The following KNDC1 variants were observed in gnomAD, a reference collection of about 807,000 sequenced individuals.
The protein encoded by KNDC1 is kinase non-catalytic C-lobe domain-containing protein 1.
Under a neutral mutation model 172.8 loss-of-function variants are expected in KNDC1, and 106 were observed. The observed-to-expected ratio is 0.61, with a 90% CI of 0.52 to 0.72. The LOEUF is 0.72. KNDC1 is among the 30% of genes least tolerant of loss of function. The pLI is 0.00. For synonymous variants in KNDC1, 1,083 were observed against 1,062.2 expected, an observed-to-expected ratio of 1.02 and a Z score of -0.38; for missense variants, 2,325 against 2,394.5, an observed-to-expected ratio of 0.97 and a Z score of 0.61.
chr10:133,204,823 C>T (rs1419029996), intron 17 of KNDC1, among the ~76,000 whole-genome samples: 1 of 152,118 alleles, frequency 6.6e-6, no homozygotes, highest in Non-Finnish European at 1.5e-5. Context: ...TCGGGGCGGT[C>T]GCTTCGGGCC....
chr10:133,161,807 G>C (rs1332158051), intron 1 of KNDC1, among the ~76,000 whole-genome samples: 2 of 152,206 alleles, frequency 1.3e-5, no homozygotes, highest in Non-Finnish European at 2.9e-5. Flanking sequence ...TTAGGAGGCG[G>C]CCCTGAGGAC....
intron 5 of KNDC1, among the ~76,000 whole-genome samples, chr10:133,185,232 T>C (rs1443745107): frequency 6.9e-6 from 1 of 145,770 alleles, no homozygotes; most frequent in Non-Finnish European, 1.5e-5. Flanking sequence ...GTGTGTGCAG[T>C]GTGGAATAGG....
chr10:133,160,650 G>C (rs984975027), intron 1 of KNDC1, 81 bp downstream of exon 1: 2 of 921,132 alleles, frequency 2.2e-6, no homozygotes, highest in African/African-American at 1.8e-5. Flanking sequence ...ACCCGGGAGG[G>C]GCTGTGAGCT....
rs760780516 is a variant in KNDC1 at position 133,209,156 on chromosome 10, C to A, written c.3795-1455C>A. On this transcript the variant is annotated intron_variant, in intron 20 of 29. Transcript: ENST00000304613. This position sits in a 1 kb window ranked among gnomAD's most constrained non-coding sequence, Gnocchi z 4.9. ...GTGTGTGGTGTGTGGTTGGGTATTG[C>A]GTGGCAGGTGTGCATGTGTGTATGG... 6.8e-6 allele frequency among the ~76,000 whole-genome samples: 1 copy of A among 146,764 alleles called. No individual in the cohort carries two copies. The highest frequency in any genetic ancestry group is 1.5e-5 in the Non-Finnish European group (1 of 66,782).
rs775325990 is a variant in KNDC1, at chr10:133,209,031, C to T, written c.3795-1580C>T. Among the ~76,000 whole-genome samples, 2 of 144,006 alleles carry T rather than the reference C, an allele frequency of 1.4e-5. No homozygotes were observed. The highest frequency in any genetic ancestry group is 2.2e-4 in the South Asian group (1 of 4,494). The allele number at this position is 144,006 out of a possible 152,430, so 94.5% of individuals were successfully genotyped here. A position where few individuals can be genotyped will look rare whatever the true frequency, so the allele number is the denominator to read the frequency against. Reference sequence around the variant, plus strand: ...GGGATATCGTGTGGTGTAGTAGGTACGTGTGCGGTTGTGAGGTATAGTGTG... The same window carrying T: ...GGGATATCGTGTGGTGTAGTAGGTATGTGTGCGGTTGTGAGGTATAGTGTG... On this transcript the variant is annotated intron_variant, in intron 20 of 29. Transcript: ENST00000304613. The surrounding 1 kb of genome is among the most constrained non-coding windows in gnomAD (Gnocchi z 4.9).
intron 21 of KNDC1, 23 bp downstream of exon 21, chr10:133,210,747 G>A (rs768495083): frequency 2.2e-5 from 34 of 1,558,522 alleles, no homozygotes; most frequent in African/African-American, 1.5e-4. Flanking sequence ...ACAGCTCCAC[G>A]CCCGCCAGAG....
chr10:133,221,591 C>T (rs1332766163), intron 29 of KNDC1, among the ~76,000 whole-genome samples: 1 of 152,236 alleles, frequency 6.6e-6, no homozygotes, highest in East Asian at 1.9e-4. Context: ...GGCGGCTCCA[C>T]CCTCCCCCAC....
intron 20 of KNDC1, among the ~76,000 whole-genome samples, chr10:133,210,242 G>A (rs1193076465): frequency 1.3e-5 from 2 of 151,608 alleles, no homozygotes; most frequent in Non-Finnish European, 2.9e-5. Flanking sequence ...AAAATCAGCC[G>A]GGCATGGTAG....
At chr10:133,175,219 ATGGGTGGATGAACAAATGGATGGATGGG>A (rs1853496981) in intron 3 of KNDC1, among the ~76,000 whole-genome samples, 1 of 135,204 alleles carries the variant, frequency 7.4e-6, no homozygotes, top group African/African-American at 2.9e-5. Flanking sequence ...ATGTGGATGG[ATGGGTGGATGAACAAATGGATGGATGGG>A]TGGGTGGATA....
Position 133,209,448 on chromosome 10 carries a change from G to A in KNDC1, c.3795-1163G>A, listed in dbSNP as rs1845307940. Reference sequence around the variant, plus strand: ...ATAGTGTGTGTGTGCACGTATGTGTGGTGTGGGGTATAGTGTGGCTTGTGT... The same window carrying A: ...ATAGTGTGTGTGTGCACGTATGTGTAGTGTGGGGTATAGTGTGGCTTGTGT... On this transcript the variant is annotated intron_variant, in intron 20 of 29. Transcript: ENST00000304613. The surrounding 1 kb of genome is among the most constrained non-coding windows in gnomAD (Gnocchi z 4.9). 6.6e-6 allele frequency among the ~76,000 whole-genome samples: 1 copy of A among 150,788 alleles called. No individual in the cohort carries two copies. The highest frequency in any genetic ancestry group is 1.5e-5 in the Non-Finnish European group (1 of 67,758).
intron 9 of KNDC1, among the ~76,000 whole-genome samples, chr10:133,192,048 G>A (rs1854081888): frequency 6.6e-6 from 1 of 152,246 alleles, no homozygotes; most frequent in African/African-American, 2.4e-5. Context: ...CAGATGGGCA[G>A]GATCAGTGTT....
intron 12 of KNDC1, among the ~76,000 whole-genome samples, chr10:133,198,037 C>T (rs965571591): frequency 6.6e-6 from 1 of 152,152 alleles, no homozygotes; most frequent in Non-Finnish European, 1.5e-5. Context: ...CTGGAGACCC[C>T]CAGAGTCCAC....
At position 133,163,594 on chromosome 10, in the gene KNDC1, G is replaced by C. The variant is rs1348081746; in HGVS notation, c.102+3025G>C. On this transcript the variant is annotated intron_variant, in intron 1 of 29. Coordinates refer to ENST00000304613, the MANE Select transcript of KNDC1 (RefSeq NM_152643.8). The surrounding 1 kb of genome is among the most constrained non-coding windows in gnomAD (Gnocchi z 4.4). ...CAGCTGTGATTGGAGTTTTGTATTA[G>C]TCCTGTTAGAATCCCACGGCTGAAA... Among the ~76,000 whole-genome samples, 1 of 152,090 alleles carries C rather than the reference G, an allele frequency of 6.6e-6. No homozygotes were observed. The highest frequency in any genetic ancestry group is 2.4e-5 in the African/African-American group (1 of 41,400).
intron 3 of KNDC1, among the ~76,000 whole-genome samples, chr10:133,172,733 C>T (rs1046729591): frequency 6.6e-6 from 1 of 152,212 alleles, no homozygotes; most frequent in Non-Finnish European, 1.5e-5. Flanking sequence ...GTGGCTCACC[C>T]CTATAATCCC....
intron 9 of KNDC1, among the ~76,000 whole-genome samples, chr10:133,190,660 G>A (rs955988370): frequency 2.6e-5 from 4 of 152,222 alleles, no homozygotes; most frequent in South Asian, 2.1e-4. Context: ...AGAGAAACTC[G>A]GAATGGTCCA....
intron 7 of KNDC1, 31 bp from the exon 8 acceptor site, chr10:133,189,567 C>T (rs992468535): frequency 6.2e-7 from 1 of 1,603,860 alleles, no homozygotes; most frequent in African/African-American, 1.3e-5. Flanking sequence ...GGGCAGCATG[C>T]ATACCCGCCC....
At chr10:133,218,809 A>C in intron 26 of KNDC1, 22 bp from the exon 27 acceptor site, 2 of 1,606,590 alleles carry the variant, frequency 1.2e-6, no homozygotes, top group Non-Finnish European at 1.7e-6. Context: ...AAGACGCTGA[A>C]TGTGTCATTT....
At chr10:133,182,792 C>CA (rs1170396452) in intron 3 of KNDC1, among the ~76,000 whole-genome samples, 4 of 152,254 alleles carry the variant, frequency 2.6e-5, no homozygotes, top group African/African-American at 7.2e-5. Flanking sequence ...GGGCCATGGC[C>CA]AGCACAGATC....
In KNDC1 at chr10:133,185,707, G is replaced by A. The variant is rs188037526; in HGVS notation, c.626-267G>A. Among the ~76,000 whole-genome samples the A allele has an allele frequency of 4.0e-3, 598 of 150,456 alleles. 3 individuals carry two copies. Among genetic ancestry groups the A allele is most frequent in the Non-Finnish European group, 6.4e-3 (434 of 67,482 alleles). On this transcript the variant is annotated intron_variant, in intron 5 of 29. Coordinates refer to ENST00000304613, the MANE Select transcript of KNDC1 (RefSeq NM_152643.8). ...ATAGGAAGCCCCAGAGGGAAGCCCC[G>A]CCTGGCCTGGGGGAGAGGCAGCCCC...
Sources: gnomAD v4.1 joint callset for allele counts (sites outside exome capture counted in the v4.1 genomes callset) on GRCh38, gnomAD v4.1.1 for gene constraint, Gnocchi (gnomAD v3.1) non-coding constraint, MANE v1.5 for transcripts, NCBI Gene and HGNC (gene_info 2026-07-23, HGNC 2026-07-21) for gene names.